The following UBE2E2 variants were observed in gnomAD, a reference collection of about 807,000 sequenced individuals.
UBE2E2 encodes the protein ubiquitin-conjugating enzyme E2 E2.
In UBE2E2, 6 loss-of-function variants were observed where a neutral mutation model predicts 24.7. The observed-to-expected ratio is 0.24, with a 90% confidence interval of 0.13 to 0.48. UBE2E2 has a LOEUF of 0.48. Among genes scored for constraint, UBE2E2 ranks in the 20% least tolerant of loss-of-function variants. The pLI is 0.99. For synonymous variants in UBE2E2, 104 were observed against 83.6 expected (o/e 1.24, Z -1.33); for missense variants, 169 against 245.0 (o/e 0.69, Z 2.07).
At chr3:23,486,800 A>C (rs1559399259) in intron 3 of UBE2E2, among the ~76,000 whole-genome samples, 4 of 152,082 alleles carry the variant, frequency 2.6e-5, no homozygotes. Flanking sequence ...GTAGGTGCTG[A>C]CTGGTCCATG....
intron 3 of UBE2E2, among the ~76,000 whole-genome samples, chr3:23,313,600 G>A (rs1184116148): frequency 7.9e-5 from 12 of 151,958 alleles, no homozygotes; most frequent in Non-Finnish European, 2.9e-5. Flanking sequence ...GGCCAGGATG[G>A]TCTCCATCTC....
chr3:23,565,657 C>T (rs894462489), intron 5 of UBE2E2, among the ~76,000 whole-genome samples: 1 of 151,892 alleles, frequency 6.6e-6, no homozygotes, highest in Non-Finnish European at 1.5e-5. Flanking sequence ...GGGAAGTTGG[C>T]TCAACTCTGA....
intron 3 of UBE2E2, among the ~76,000 whole-genome samples, chr3:23,413,600 T>G (rs1697549433): frequency 6.6e-6 from 1 of 152,162 alleles, no homozygotes; most frequent in Non-Finnish European, 1.5e-5. Flanking sequence ...ACTCTTCCCC[T>G]TGGCAAGCTC....
rs150259879 is a variant in UBE2E2, at chr3:23,583,294, G to C, written c.509-6440G>C. Among the ~76,000 whole-genome samples, 17 of 152,240 alleles carry C rather than the reference G, an allele frequency of 1.1e-4. No homozygotes were observed. In the East Asian group the frequency reaches 3.1e-3, roughly 28 times the overall value. On this transcript the variant is annotated intron_variant, in intron 5 of 5. Transcript: ENST00000396703. The surrounding 1 kb of genome is among the most constrained non-coding windows in gnomAD (Gnocchi z 4.1). ...TTTTGTTCCACTAGTCTATGTGTCTGTTTTTGTACCAGTATCATGCTGTTT... is the reference window on the plus strand; with the variant it reads ...TTTTGTTCCACTAGTCTATGTGTCTCTTTTTGTACCAGTATCATGCTGTTT...
intron 5 of UBE2E2, among the ~76,000 whole-genome samples, chr3:23,557,361 T>C (rs939517637): frequency 2.0e-5 from 3 of 152,200 alleles, no homozygotes; most frequent in African/African-American, 7.2e-5. Context: ...TATTCATTCA[T>C]TCATTTTCCA....
At position 23,316,043 on chromosome 3, in the gene UBE2E2, C is replaced by T. The variant is rs562366531; in HGVS notation, c.227+98731C>T. On this transcript the variant is annotated intron_variant, in intron 3 of 5. Transcript: ENST00000396703. ...GAGGTGACACAAGCATCCCTGTGGC[C>T]GCCACCCCTGGAAATGCACTGGCTC... is the stretch of plus-strand genomic sequence containing the variant. 1.1e-4 allele frequency among the ~76,000 whole-genome samples: 17 copies of T among 152,140 alleles called. 1 individual carries two copies. The South Asian group carries it at 3.3e-3, about 30-fold the overall frequency.
chr3:23,342,273 C>T (rs1341525667), intron 3 of UBE2E2, among the ~76,000 whole-genome samples: 1 of 151,410 alleles, frequency 6.6e-6, no homozygotes, highest in African/African-American at 2.4e-5. Context: ...CAGCCTCAAG[C>T]CCCTGGGCCC....
intron 4 of UBE2E2, among the ~76,000 whole-genome samples, chr3:23,505,262 C>CA (rs1469777143): frequency 6.6e-6 from 1 of 152,000 alleles, no homozygotes; most frequent in African/African-American, 2.4e-5. Flanking sequence ...ACTAAGGACT[C>CA]ATGTTAGGTA....
At chr3:23,470,143 A>G (rs1329341386) in intron 3 of UBE2E2, among the ~76,000 whole-genome samples, 3 of 152,204 alleles carry the variant, frequency 2.0e-5, no homozygotes, top group Non-Finnish European at 4.4e-5. Flanking sequence ...ATACATTAGG[A>G]TCCACCAGGA....
chr3:23,521,425 T>C lies in UBE2E2; in HGVS notation c.361-11129T>C, dbSNP rs145353785. 1.8e-3 allele frequency among the ~76,000 whole-genome samples: 271 copies of C among 152,364 alleles called. 3 individuals are homozygous for C. Among genetic ancestry groups the C allele is most frequent in the African/African-American group, 6.2e-3 (257 of 41,592 alleles). On this transcript the variant is annotated intron_variant, in intron 4 of 5. Transcript: ENST00000396703. ...ATTGTTGTTATGTATGAGACACTTT[T>C]GCAGTTCTAAAGCCAGAAATGAATC...
At chr3:23,542,415 A>G (rs1695415245) in intron 5 of UBE2E2, among the ~76,000 whole-genome samples, 1 of 152,140 alleles carries the variant, frequency 6.6e-6, no homozygotes, top group Non-Finnish European at 1.5e-5. Flanking sequence ...ATTTGGGGGA[A>G]GTTTTTGTTT....
chr3:23,208,594 T>G, intron 1 of UBE2E2, 98 bp from the exon 2 acceptor site: 372 of 931,406 alleles, frequency 4.0e-4, no homozygotes, highest in Non-Finnish European at 5.1e-4. Context: ...CATTTTATAT[T>G]GAGATTTACT....
At chr3:23,439,651 A>G (rs1415976003) in intron 3 of UBE2E2, among the ~76,000 whole-genome samples, 1 of 152,190 alleles carries the variant, frequency 6.6e-6, no homozygotes, top group Non-Finnish European at 1.5e-5. Flanking sequence ...TCTCCATCCC[A>G]TCCCTCAAGT....
At chr3:23,483,537 A>G (rs1699299451) in intron 3 of UBE2E2, among the ~76,000 whole-genome samples, 1 of 152,228 alleles carries the variant, frequency 6.6e-6, no homozygotes, top group African/African-American at 2.4e-5. Flanking sequence ...TGCTCAGTAA[A>G]TGGTGAATAT....
chr3:23,543,231 A>G (rs766782805), intron 5 of UBE2E2, among the ~76,000 whole-genome samples: 25 of 152,230 alleles, frequency 1.6e-4, no homozygotes, highest in Admixed American at 9.8e-4. Flanking sequence ...AAGAGAAAGA[A>G]ATAAAGGGCA....
At chr3:23,538,110 CAA>C (rs200503711) in intron 5 of UBE2E2, among the ~76,000 whole-genome samples, 3 of 149,780 alleles carry the variant, frequency 2.0e-5, no homozygotes, top group Non-Finnish European at 4.5e-5. Context: ...AGCAGGACTA[CAA>C]AAAAAAAATT....
chr3:23,420,056 G>C (rs1697757513), intron 3 of UBE2E2, among the ~76,000 whole-genome samples: 1 of 152,214 alleles, frequency 6.6e-6, no homozygotes, highest in South Asian at 2.1e-4. Flanking sequence ...AATGGATACA[G>C]ATGCCTAAGA....
At chr3:23,491,765 G>T (rs1699501516) in intron 3 of UBE2E2, among the ~76,000 whole-genome samples, 1 of 152,206 alleles carries the variant, frequency 6.6e-6, no homozygotes, top group Admixed American at 6.5e-5. Context: ...ACTTAAAGGA[G>T]TTTCTGGAAA....
At chr3:23,508,506 T>C (rs1156899149) in intron 4 of UBE2E2, among the ~76,000 whole-genome samples, 1 of 152,194 alleles carries the variant, frequency 6.6e-6, no homozygotes, top group East Asian at 1.9e-4. Context: ...CTTTAGTTTA[T>C]TATTGTCTCC....
Sources: gnomAD v4.1 joint callset for allele counts (sites outside exome capture counted in the v4.1 genomes callset) on GRCh38, gnomAD v4.1.1 for gene constraint, Gnocchi (gnomAD v3.1) non-coding constraint, MANE v1.5 for transcripts, NCBI Gene and HGNC (gene_info 2026-07-23, HGNC 2026-07-21) for gene names.